The following FOXP2 variants were observed in gnomAD, a reference collection of about 807,000 sequenced individuals.
FOXP2 encodes forkhead box protein P2.
In FOXP2, 12 loss-of-function variants were observed where a neutral mutation model predicts 115.8. The observed-to-expected ratio is 0.10, with a 90% CI of 0.07 to 0.17. FOXP2 has a LOEUF of 0.17. Ranked by LOEUF, FOXP2 falls within the 10% of genes least tolerant of loss-of-function variation. The probability of loss-of-function intolerance (pLI) is 1.00; values close to 1 mark genes in which losing one functional copy is unlikely to be tolerated. For missense variants in FOXP2, 629 were observed against 843.5 expected (o/e 0.75, Z 3.15); for synonymous variants, 328 against 297.7 (o/e 1.10, Z -1.05).
At chr7:114,087,973 TC>T (rs1359138998) in intron 1 of FOXP2, 1 of 151,770 alleles carries the variant, frequency 6.6e-6, no homozygotes, top group African/African-American at 2.4e-5. Context: ...TCAAGAGAGG[TC>T]GACCTGGCCA....
intron 3 of FOXP2, among the ~76,000 whole-genome samples, chr7:114,551,395 G>T (rs1800199414): frequency 6.6e-6 from 1 of 152,044 alleles, no homozygotes; most frequent in Admixed American, 6.6e-5. Context: ...GTGGTTTGAG[G>T]TTAAAAAAAA....
intron 1 of FOXP2, among the ~76,000 whole-genome samples, chr7:114,248,204 G>C (rs552685824): frequency 1.3e-5 from 2 of 151,790 alleles, no homozygotes; most frequent in South Asian, 4.2e-4. Context: ...GAGAGAGAGA[G>C]AGAGAGAGAC....
At chr7:114,263,392 CTTTTCCTTTTCCT>C (rs1795811693) in intron 1 of FOXP2, among the ~76,000 whole-genome samples, 1 of 146,920 alleles carries the variant, frequency 6.8e-6, no homozygotes, top group South Asian at 2.2e-4. Context: ...CTCTTTCTTC[CTTTTCCTTTTCCT>C]TTTTCCTTTT....
intron 1 of FOXP2, among the ~76,000 whole-genome samples, chr7:114,183,045 C>CT (rs1467886120): frequency 6.6e-6 from 1 of 152,042 alleles, no homozygotes; most frequent in Non-Finnish European, 1.5e-5. Flanking sequence ...TGTTGGTTGC[C>CT]TGCAGGGATC....
chr7:114,272,486 T>C (rs1175715415), intron 1 of FOXP2, among the ~76,000 whole-genome samples: 3 of 151,896 alleles, frequency 2.0e-5, no homozygotes, highest in Admixed American at 2.0e-4. Context: ...TTGGTAGAAT[T>C]CACCAGCAAA....
chr7:114,439,628 C>T lies in FOXP2; in HGVS notation c.168+12949C>T, dbSNP rs150166730. ...TGGCGTGATCTTAGCTCACTGCTAC[C>T]TCCACCTCCGGGCTAAAGCCATCAT... is the stretch of plus-strand genomic sequence containing the variant. On this transcript the variant is annotated intron_variant, in intron 2 of 16. Coordinates refer to ENST00000350908, the MANE Select transcript of FOXP2 (RefSeq NM_014491.4). Among the ~76,000 whole-genome samples the T allele has an allele frequency of 3.4e-3, 521 of 152,180 alleles. 4 individuals are homozygous for T. Among genetic ancestry groups the T allele is most frequent in the African/African-American group, 0.012 (497 of 41,526 alleles).
chr7:114,590,788 G>A (rs1802401963), intron 3 of FOXP2, among the ~76,000 whole-genome samples: 1 of 152,074 alleles, frequency 6.6e-6, no homozygotes, highest in African/African-American at 2.4e-5. Flanking sequence ...AGGTATGTGT[G>A]TTCTCTTCTT....
intron 2 of FOXP2, among the ~76,000 whole-genome samples, chr7:114,330,666 A>C (rs1387263698): frequency 2.6e-5 from 4 of 152,008 alleles, no homozygotes; most frequent in African/African-American, 9.7e-5. Flanking sequence ...ACATAAAGTA[A>C]CTTGTAAGAA....
chr7:114,087,922 A>T (rs571489294), intron 1 of FOXP2: 19 of 152,148 alleles, frequency 1.2e-4, no homozygotes, highest in African/African-American at 4.6e-4. Context: ...AAGTCTGGGG[A>T]TTGGAAAGCG....
At chr7:114,305,809 T>C (rs1347423387) in intron 2 of FOXP2, among the ~76,000 whole-genome samples, 1 of 152,154 alleles carries the variant, frequency 6.6e-6, no homozygotes, top group African/African-American at 2.4e-5. Context: ...ATTTAATATT[T>C]CACCGGCCTT....
At chr7:114,308,211 T>C (rs151216837) in intron 2 of FOXP2, among the ~76,000 whole-genome samples, 1 of 152,214 alleles carries the variant, frequency 6.6e-6, no homozygotes, top group Non-Finnish European at 1.5e-5. Context: ...TTGTACAAAA[T>C]AGAAACCTAT....
intron 2 of FOXP2, among the ~76,000 whole-genome samples, chr7:114,509,447 A>G (rs558787953): frequency 9.9e-5 from 15 of 152,214 alleles, no homozygotes; most frequent in Non-Finnish European, 1.5e-4. Context: ...AGTCCAGAGA[A>G]GAAACGATAG....
At chr7:114,521,986 T>C (rs1798647244) in intron 2 of FOXP2, among the ~76,000 whole-genome samples, 1 of 152,180 alleles carries the variant, frequency 6.6e-6, no homozygotes, top group Admixed American at 6.6e-5. Context: ...TAAAGAAACA[T>C]ACTTTTCAAT....
At chr7:114,632,899 A>G (rs1300570380) in intron 6 of FOXP2, among the ~76,000 whole-genome samples, 1 of 152,146 alleles carries the variant, frequency 6.6e-6, no homozygotes, top group Non-Finnish European at 1.5e-5. Context: ...CATTATATCA[A>G]TGAATGTTCT....
intron 1 of FOXP2, among the ~76,000 whole-genome samples, chr7:114,106,880 A>G (rs770601911): frequency 1.3e-5 from 2 of 151,830 alleles, no homozygotes; most frequent in Non-Finnish European, 2.9e-5. Flanking sequence ...GACCTTATTT[A>G]TTTGCTTTAC....
In FOXP2 at chr7:114,691,469, A is replaced by G. The variant is rs1194501094; in HGVS notation, c.*1543A>G. Reference sequence around the variant, plus strand: ...CTTATACGGGATATTAACACTAACAATACACTCCCTTCAAAGACTTGCACA... The same window carrying G: ...CTTATACGGGATATTAACACTAACAGTACACTCCCTTCAAAGACTTGCACA... On this transcript the variant is annotated 3_prime_UTR_variant, in exon 17 of 17. Transcript: ENST00000350908. 4.4e-6 allele frequency: 2 copies of G among 453,874 alleles called. No homozygotes were observed. Among genetic ancestry groups the G allele is most frequent in the Middle Eastern group, 6.8e-4 (1 of 1,466 alleles). 28.1% of individuals were successfully genotyped at this position (453,874 alleles called of 1,614,324 possible).
chr7:114,157,218 A>G (rs1792695456), intron 1 of FOXP2, among the ~76,000 whole-genome samples: 1 of 152,166 alleles, frequency 6.6e-6, no homozygotes, highest in Admixed American at 6.6e-5. Flanking sequence ...CTATTTTCAA[A>G]TAATTTTAAA....
intron 1 of FOXP2, among the ~76,000 whole-genome samples, chr7:114,209,482 T>C (rs890702999): frequency 6.6e-6 from 1 of 152,194 alleles, no homozygotes; most frequent in Non-Finnish European, 1.5e-5. Flanking sequence ...GCCCCTAATG[T>C]CTGCTAGCTT....
intron 2 of FOXP2, among the ~76,000 whole-genome samples, chr7:114,498,525 G>GC (rs200485964): frequency 0.011 from 1,603 of 152,208 alleles, 17 homozygotes; most frequent in Middle Eastern, 0.027. Flanking sequence ...ACTTTAAAGA[G>GC]CCATATAAGG....
Sources: gnomAD v4.1 joint callset for allele counts (sites outside exome capture counted in the v4.1 genomes callset) on GRCh38, gnomAD v4.1.1 for gene constraint, MANE v1.5 for transcripts, NCBI Gene and HGNC (gene_info 2026-07-23, HGNC 2026-07-21) for gene names.